The following MACROD2 variants were observed in gnomAD, a reference collection of about 807,000 sequenced individuals.
MACROD2 encodes the protein ADP-ribose glycohydrolase MACROD2.
Under a neutral mutation model 70.4 loss-of-function variants are expected in MACROD2, and 36 were observed. That is an observed-to-expected ratio of 0.51 (90% CI 0.39 to 0.68). MACROD2 has a LOEUF of 0.68. Ranked by LOEUF, MACROD2 falls within the 30% of genes least tolerant of loss-of-function variation. The pLI is 0.00. For synonymous variants in MACROD2, 172 were observed against 178.8 expected, an observed-to-expected ratio of 0.96 and a Z score of 0.30; for missense variants, 496 against 538.4, an observed-to-expected ratio of 0.92 and a Z score of 0.78.
At chr20:15,240,955 A>G (rs1180361762) in intron 6 of MACROD2, among the ~76,000 whole-genome samples, 1 of 152,188 alleles carries the variant, frequency 6.6e-6, no homozygotes, top group African/African-American at 2.4e-5. Context: ...GAACTGTGAG[A>G]AATAATAAAT....
At chr20:15,225,660 T>C (rs762300142) in intron 5 of MACROD2, among the ~76,000 whole-genome samples, 1 of 152,196 alleles carries the variant, frequency 6.6e-6, no homozygotes, top group Non-Finnish European at 1.5e-5. Context: ...TAATGTGTCT[T>C]GGGTATCTTT....
chr20:15,162,703 C>T (rs1044296962), intron 5 of MACROD2, among the ~76,000 whole-genome samples: 4 of 152,016 alleles, frequency 2.6e-5, no homozygotes, highest in South Asian at 2.1e-4. Context: ...ACTCTCAATA[C>T]GTATTTGTGT....
chr20:15,622,106 G>A (rs748110107), intron 8 of MACROD2, among the ~76,000 whole-genome samples: 13 of 152,166 alleles, frequency 8.5e-5, no homozygotes, highest in Non-Finnish European at 1.3e-4. Flanking sequence ...GCTGTCATTC[G>A]TCTTGAACGG....
In MACROD2 at chr20:15,018,357, C is replaced by G. The variant is rs2075137670; in HGVS notation, c.419-211583C>G. 1.1e-4 allele frequency among the ~76,000 whole-genome samples: 17 copies of G among 152,272 alleles called. 1 individual carries two copies. The South Asian group carries it at 3.1e-3, about 28-fold the overall frequency. On this transcript the variant is annotated intron_variant, in intron 5 of 17. Transcript: ENST00000684519. The stretch of plus-strand genomic sequence containing the variant: ...TCATCTCCACCTGAGATCACCTTAG[C>G]CTGAATTTTATTATCCATATTGCTC...
chr20:14,577,685 G>A (rs1980688155), intron 4 of MACROD2, among the ~76,000 whole-genome samples: 1 of 152,072 alleles, frequency 6.6e-6, no homozygotes, highest in Non-Finnish European at 1.5e-5. Context: ...AGGAGGCTGA[G>A]GGAGGACGAT....
intron 7 of MACROD2, among the ~76,000 whole-genome samples, chr20:15,437,497 C>T (rs2040600298): frequency 6.6e-6 from 1 of 152,136 alleles, no homozygotes; most frequent in African/African-American, 2.4e-5. Context: ...CAGACTGAAA[C>T]ATTTTTAAAA....
chr20:16,003,388 A>T (rs778098672), intron 15 of MACROD2, among the ~76,000 whole-genome samples: 9 of 152,080 alleles, frequency 5.9e-5, no homozygotes, highest in African/African-American at 9.7e-5. Context: ...TGTTATATGT[A>T]GGAATTCACA....
intron 6 of MACROD2, among the ~76,000 whole-genome samples, chr20:15,426,656 G>A (rs1158583491): frequency 1.3e-5 from 2 of 151,448 alleles, no homozygotes; most frequent in African/African-American, 4.9e-5. Flanking sequence ...TCTGATGGCT[G>A]GGTGCTCAGG....
At chr20:15,118,195 A>ATTT (rs140809606) in intron 5 of MACROD2, among the ~76,000 whole-genome samples, 5,592 of 113,794 alleles carry the variant, frequency 0.049, 429 homozygotes, top group African/African-American at 0.14. Context: ...TTTAATTTTA[A>ATTT]ATTTTTTTTT....
chr20:15,686,680 C>T (rs1433560248), intron 8 of MACROD2, among the ~76,000 whole-genome samples: 4 of 152,042 alleles, frequency 2.6e-5, no homozygotes, highest in Non-Finnish European at 5.9e-5. Context: ...CGAGACCAGC[C>T]TGGCCAACAT....
intron 3 of MACROD2, among the ~76,000 whole-genome samples, chr20:14,172,136 C>T (rs6042565): frequency 0.99 from 151,245 of 152,208 alleles, 75,152 homozygotes; most frequent in East Asian, 1. Flanking sequence ...GTATGCTTTG[C>T]CTGATATAGG....
intron 3 of MACROD2, among the ~76,000 whole-genome samples, chr20:14,272,073 G>T (rs534787083): frequency 6.6e-6 from 1 of 152,280 alleles, no homozygotes; most frequent in East Asian, 1.9e-4. Flanking sequence ...ACACTCTGCA[G>T]GGTATTATCC....
chr20:14,829,849 T>G (rs1433611511), intron 5 of MACROD2, among the ~76,000 whole-genome samples: 1 of 152,196 alleles, frequency 6.6e-6, no homozygotes, highest in African/African-American at 2.4e-5. Context: ...TTTGGTTCTT[T>G]GTTAAACATT....
At chr20:15,676,898 C>G (rs886994915) in intron 8 of MACROD2, among the ~76,000 whole-genome samples, 3 of 151,554 alleles carry the variant, frequency 2.0e-5, no homozygotes, top group African/African-American at 7.3e-5. Context: ...CCTGATTTGG[C>G]AACAACAACA....
chr20:14,633,163 T>C (rs886131495), intron 4 of MACROD2, among the ~76,000 whole-genome samples: 3 of 152,246 alleles, frequency 2.0e-5, no homozygotes, highest in Admixed American at 6.5e-5. Flanking sequence ...TCTGCCTCTG[T>C]GGTCACGTTG....
At chr20:15,706,048 T>C (rs2050526982) in intron 8 of MACROD2, among the ~76,000 whole-genome samples, 1 of 152,218 alleles carries the variant, frequency 6.6e-6, no homozygotes, top group African/African-American at 2.4e-5. Context: ...TGGTCCTAAA[T>C]AGGATGTTGT....
At chr20:15,727,570 G>A (rs1600812973) in intron 8 of MACROD2, among the ~76,000 whole-genome samples, 2 of 152,112 alleles carry the variant, frequency 1.3e-5, no homozygotes, top group African/African-American at 2.4e-5. Context: ...CTATCCATGA[G>A]CATGGAATGT....
chr20:14,133,814 AG>A (rs2054752444), intron 3 of MACROD2, among the ~76,000 whole-genome samples: 1 of 152,232 alleles, frequency 6.6e-6, no homozygotes, highest in South Asian at 2.1e-4. Context: ...TACAATGGGC[AG>A]GTACCCCACA....
intron 2 of MACROD2, chr20:14,053,478 G>T (rs1601164100): frequency 2.0e-5 from 3 of 152,090 alleles, no homozygotes; most frequent in African/African-American, 7.2e-5. Context: ...AATCCGAGCT[G>T]CTCTTTGTCC....
Sources: gnomAD v4.1 joint callset for allele counts (sites outside exome capture counted in the v4.1 genomes callset) on GRCh38, gnomAD v4.1.1 for gene constraint, MANE v1.5 for transcripts, NCBI Gene and HGNC (gene_info 2026-07-23, HGNC 2026-07-21) for gene names.